The following TTC28 variants were observed in gnomAD, a reference collection of about 807,000 sequenced individuals.
TTC28 encodes the protein tetratricopeptide repeat protein 28.
Under a neutral mutation model 198.0 loss-of-function variants are expected in TTC28, and 61 were observed. The observed-to-expected ratio is 0.31, with a 90% CI of 0.25 to 0.38. TTC28 has a LOEUF of 0.38. Ranked by LOEUF, TTC28 falls within the 10% of genes least tolerant of loss-of-function variation. TTC28 has a pLI of 1.00. For synonymous variants in TTC28, 1,171 were observed against 1,297.8 expected (o/e 0.90, Z 2.10); for missense variants, 2,678 against 3,164.0 (o/e 0.85, Z 3.69).
At chr22:28,478,176 T>C (rs560628221) in intron 2 of TTC28, among the ~76,000 whole-genome samples, 2 of 152,336 alleles carry the variant, frequency 1.3e-5, no homozygotes, top group East Asian at 3.9e-4. Flanking sequence ...AGAACCATTG[T>C]TGATTCTTTT....
chr22:28,501,850 T>C (rs1286203437), intron 2 of TTC28, among the ~76,000 whole-genome samples: 2 of 152,214 alleles, frequency 1.3e-5, no homozygotes, highest in East Asian at 1.9e-4. Context: ...TTGGAAAATA[T>C]ACTTTTTAAA....
intron 2 of TTC28, among the ~76,000 whole-genome samples, chr22:28,456,316 G>A (rs563194475): frequency 6.6e-6 from 1 of 152,240 alleles, no homozygotes; most frequent in South Asian, 2.1e-4. Flanking sequence ...GGTCACTGGG[G>A]GATGGAGGCA....
chr22:28,143,379 G>A (rs1349807268), intron 6 of TTC28, among the ~76,000 whole-genome samples: 1 of 152,110 alleles, frequency 6.6e-6, no homozygotes, highest in Admixed American at 6.6e-5. Flanking sequence ...ATAAAATAGA[G>A]AACTGAAAAG....
intron 3 of TTC28, among the ~76,000 whole-genome samples, chr22:28,299,662 G>A (rs2044977042): frequency 1.3e-5 from 2 of 152,176 alleles, no homozygotes; most frequent in South Asian, 4.1e-4. Flanking sequence ...GATCACATCA[G>A]CATCCCACTG....
At chr22:28,169,089 C>T (rs1244748847) in intron 5 of TTC28, among the ~76,000 whole-genome samples, 1 of 152,166 alleles carries the variant, frequency 6.6e-6, no homozygotes, top group African/African-American at 2.4e-5. Flanking sequence ...TCATTACTGG[C>T]CATCAGAGAA....
rs750107371 is a variant in TTC28, at chr22:27,983,236, T to C, written c.6431A>G (p.Asp2144Gly). The change falls in exon 23 of 23, where the codon GAC (aspartate) becomes GGC (glycine). Residue 2144 changes from aspartate (D) to glycine (G), a missense_variant. Asp to Gly is a moderately conservative substitution (Grantham distance 94). Coordinates refer to ENST00000397906, the MANE Select transcript of TTC28 (RefSeq NM_001145418.2). ...TTCTTCTTGGGATTTCACGGTACTG[T>C]CCGTTTCTGTGCTAGACTGGTCTGA... is the stretch of plus-strand genomic sequence containing the variant. ...GESDQSSTET[D>G]STVKSQEESN... 1.3e-6 allele frequency: 2 copies of C among 1,551,768 alleles called. No homozygotes were observed. Among genetic ancestry groups the C allele is most frequent in the African/African-American group, 2.7e-5 (2 of 73,024 alleles).
At chr22:28,545,585 C>CA (rs1289580280) in intron 2 of TTC28, among the ~76,000 whole-genome samples, 2 of 151,450 alleles carry the variant, frequency 1.3e-5, no homozygotes, top group East Asian at 1.9e-4. Flanking sequence ...TCTCTAAAAA[C>CA]AAAAAATAAA....
intron 6 of TTC28, among the ~76,000 whole-genome samples, chr22:28,128,978 A>T (rs1376837499): frequency 6.6e-6 from 1 of 152,246 alleles, no homozygotes; most frequent in Non-Finnish European, 1.5e-5. Flanking sequence ...TCATGTTCAG[A>T]GAACTGTGCT....
intron 6 of TTC28, among the ~76,000 whole-genome samples, chr22:28,133,716 C>G (rs1943118774): frequency 6.6e-6 from 1 of 152,234 alleles, no homozygotes; most frequent in South Asian, 2.1e-4. Flanking sequence ...GGCTGGGAAG[C>G]TTGAACTGGG....
chr22:28,634,131 G>GT (rs1201688637), intron 1 of TTC28, among the ~76,000 whole-genome samples: 1 of 152,158 alleles, frequency 6.6e-6, no homozygotes, highest in Non-Finnish European at 1.5e-5. Flanking sequence ...ATGCGCTGTA[G>GT]TAAGTGCTCC....
chr22:28,111,638 C>T (rs942751376), intron 6 of TTC28, among the ~76,000 whole-genome samples: 1 of 152,040 alleles, frequency 6.6e-6, no homozygotes, highest in African/African-American at 2.4e-5. Flanking sequence ...TCAATAATTA[C>T]GAACAGAGCC....
At chr22:28,345,689 G>T (rs2045893339) in intron 2 of TTC28, among the ~76,000 whole-genome samples, 2 of 152,144 alleles carry the variant, frequency 1.3e-5, no homozygotes, top group Admixed American at 1.3e-4. Flanking sequence ...CTTTTTCAAA[G>T]ACTTTTATTG....
intron 2 of TTC28, among the ~76,000 whole-genome samples, chr22:28,348,646 C>T (rs956888829): frequency 1.3e-5 from 2 of 152,176 alleles, no homozygotes; most frequent in Non-Finnish European, 2.9e-5. Flanking sequence ...TGGGAGCTGC[C>T]TTACAAACAT....
chr22:28,431,548 A>T (rs1216475759), intron 2 of TTC28, among the ~76,000 whole-genome samples: 1 of 152,250 alleles, frequency 6.6e-6, no homozygotes, highest in East Asian at 1.9e-4. Flanking sequence ...ACAGTCAATA[A>T]TCTGTTAACT....
In TTC28 at chr22:28,016,491, A is replaced by C. The variant is rs114019374; in HGVS notation, c.4074-2099T>G. Among the ~76,000 whole-genome samples, 1,461 of 152,336 alleles carry C rather than the reference A, an allele frequency of 9.6e-3. 26 individuals carry two copies. The highest frequency in any genetic ancestry group is 0.033 in the African/African-American group (1,361 of 41,584). On this transcript the variant is annotated intron_variant, in intron 13 of 22. Transcript: ENST00000397906. ...CAGACAGCAGATGGGCAGCAGCAGGAGCACTAGGTGCCCTCTTCCTATGTA... is the reference window on the plus strand; with the variant it reads ...CAGACAGCAGATGGGCAGCAGCAGGCGCACTAGGTGCCCTCTTCCTATGTA...
At chr22:28,006,838 T>C (rs770099151) in intron 14 of TTC28, 1 of 152,194 alleles carries the variant, frequency 6.6e-6, no homozygotes, top group Non-Finnish European at 1.5e-5. Flanking sequence ...AAAGCACTCA[T>C]AGCAAATGTT....
intron 2 of TTC28, among the ~76,000 whole-genome samples, chr22:28,353,354 CAT>C (rs1382707448): frequency 6.6e-6 from 1 of 152,126 alleles, no homozygotes; most frequent in African/African-American, 2.4e-5. Context: ...TCCTAAAACT[CAT>C]ATGGAATCTC....
rs184484183 is a variant in TTC28, at chr22:28,152,937, A to T, written c.1441+10155T>A. ...TTTTCTCCTACAAAAGTAATTTTTT[A>T]AAAATTTTTATTTATTTAGGATACT... On this transcript the variant is annotated intron_variant, in intron 6 of 22. Transcript: ENST00000397906. Among the ~76,000 whole-genome samples, 159 of 152,272 alleles carry T rather than the reference A, an allele frequency of 1.0e-3. 1 individual carries two copies. Among genetic ancestry groups the T allele is most frequent in the African/African-American group, 3.5e-3 (146 of 41,582 alleles).
chr22:28,365,326 CTTGCTTTATTGCAGTAT>C (rs1315872655), intron 2 of TTC28, among the ~76,000 whole-genome samples: 1 of 152,200 alleles, frequency 6.6e-6, no homozygotes, highest in African/African-American at 2.4e-5. Context: ...AAATTCATGA[CTTGCTTTATTGCAGTAT>C]TTGCTTTATT....
Sources: gnomAD v4.1 joint callset for allele counts (sites outside exome capture counted in the v4.1 genomes callset) on GRCh38, gnomAD v4.1.1 for gene constraint, MANE v1.5 for transcripts, NCBI Gene and HGNC (gene_info 2026-07-23, HGNC 2026-07-21) for gene names.